Variants in LRCH2 observed in about 807,000 individuals in gnomAD.
The protein encoded by LRCH2 is leucine rich repeats and calponin homology domain containing 2, also known as leucine-rich repeat and calponin homology domain-containing protein 2.
A neutral mutation model predicts 68.9 loss-of-function variants in LRCH2; 38 were observed. That is an observed-to-expected ratio of 0.55 (90% CI 0.43 to 0.72). The LOEUF is 0.72. Among genes scored for constraint, LRCH2 ranks in the 30% least tolerant of loss-of-function variants. LRCH2 has a pLI of 0.00. For synonymous variants in LRCH2, 191 were observed against 208.1 expected (o/e 0.92, Z 0.71); for missense variants, 528 against 572.9 (o/e 0.92, Z 0.80).
chrX:115,225,287 A>G (rs2073111407), intron 1 of LRCH2, among the ~76,000 whole-genome samples: 1 of 111,319 alleles, frequency 9.0e-6, no homozygotes, highest in Non-Finnish European at 1.9e-5. Flanking sequence ...TGGGACAGAG[A>G]GACAGGAGGG....
At chrX:115,128,808 C>T (rs1234676989) in intron 15 of LRCH2, among the ~76,000 whole-genome samples, 1 of 112,096 alleles carries the variant, frequency 8.9e-6, no homozygotes, top group Non-Finnish European at 1.9e-5. Flanking sequence ...TAGTTCTCAA[C>T]CTTGGCTGGA....
intron 3 of LRCH2, among the ~76,000 whole-genome samples, chrX:115,182,296 TCTTAAATTATAAC>T (rs2072697953): frequency 1.8e-5 from 2 of 111,627 alleles, no homozygotes; most frequent in Middle Eastern, 4.6e-3. Context: ...AGACATAAAA[TCTTAAATTATAAC>T]CTTTATAAAA....
intron 1 of LRCH2, among the ~76,000 whole-genome samples, chrX:115,224,437 CT>C (rs782440602): frequency 1.8e-5 from 2 of 111,274 alleles, no homozygotes; most frequent in Non-Finnish European, 3.8e-5. Flanking sequence ...AATCCCAGCA[CT>C]TTGGGAGGCC....
chrX:115,198,227 C>T (rs1205776087), intron 1 of LRCH2, among the ~76,000 whole-genome samples: 2 of 110,151 alleles, frequency 1.8e-5, no homozygotes, highest in Admixed American at 1.9e-4. Flanking sequence ...GCTTAGAAAG[C>T]CTATTTAACA....
At chrX:115,192,307 T>A (rs1398353633) in intron 1 of LRCH2, 3 of 1,158,823 alleles carry the variant, frequency 2.6e-6, no homozygotes, top group Non-Finnish European at 3.5e-6. Flanking sequence ...CCGAGGCCCC[T>A]CGCCTGACGC....
chrX:115,227,537 A>G (rs1265349986), intron 1 of LRCH2, among the ~76,000 whole-genome samples: 1 of 110,145 alleles, frequency 9.1e-6, no homozygotes, highest in Non-Finnish European at 1.9e-5. Context: ...ACAGTCATCT[A>G]TGTTTAATTT....
At chrX:115,218,354 G>T (rs1178823098) in intron 1 of LRCH2, among the ~76,000 whole-genome samples, 1 of 111,900 alleles carries the variant, frequency 8.9e-6, no homozygotes, top group East Asian at 2.8e-4. Flanking sequence ...TGGAGGCAGG[G>T]CCGTTTCACG....
At chrX:115,147,239 G>C (rs2072392961) in intron 14 of LRCH2, among the ~76,000 whole-genome samples, 1 of 111,588 alleles carries the variant, frequency 9.0e-6, no homozygotes, top group Non-Finnish European at 1.9e-5. Flanking sequence ...TCGGGAGATA[G>C]GTGATTAAGA....
chrX:115,178,427 C>T (rs2072667147), intron 5 of LRCH2, among the ~76,000 whole-genome samples: 1 of 112,242 alleles, frequency 8.9e-6, no homozygotes, highest in Admixed American at 9.4e-5. Flanking sequence ...GGACCAGTGT[C>T]GATTATAAAA....
At chrX:115,140,658 T>C (rs1177775765) in intron 14 of LRCH2, among the ~76,000 whole-genome samples, 1 of 110,606 alleles carries the variant, frequency 9.0e-6, no homozygotes, top group Non-Finnish European at 1.9e-5. Context: ...CACAAGCTGA[T>C]TGAAGAGCCC....
At chrX:115,147,646 C>T (rs1379764664) in intron 14 of LRCH2, among the ~76,000 whole-genome samples, 1 of 111,191 alleles carries the variant, frequency 9.0e-6, no homozygotes, top group Non-Finnish European at 1.9e-5. Context: ...ATAAATGATG[C>T]TATGAAACCA....
At chrX:115,122,970 G>C (rs2072156572) in intron 18 of LRCH2, 73 bp from the exon 19 acceptor site, 1 of 1,084,489 alleles carries the variant, frequency 9.2e-7, no homozygotes, top group Non-Finnish European at 1.3e-6. Context: ...ACTAATTGTT[G>C]TATATCCAAA....
chrX:115,205,201 C>T (rs183760935), intron 1 of LRCH2, among the ~76,000 whole-genome samples: 133 of 111,706 alleles, frequency 1.2e-3, no homozygotes, highest in African/African-American at 4.1e-3. Context: ...GGGAAACCAC[C>T]CTCATGATCC....
At chrX:115,192,793 G>T in intron 1 of LRCH2, 1 of 588,231 alleles carries the variant, frequency 1.7e-6, no homozygotes, top group Non-Finnish European at 2.6e-6. Context: ...TTATGCTTTT[G>T]TGAGGAAAAA....
At chrX:115,220,954 G>A (rs1005871897) in intron 1 of LRCH2, among the ~76,000 whole-genome samples, 3 of 108,368 alleles carry the variant, frequency 2.8e-5, no homozygotes, top group South Asian at 4.0e-4. Context: ...TTGGGAGGCC[G>A]AGGCGGGTGG....
rs781801167 is a variant in LRCH2, at chrX:115,151,673, A to G, written c.1530-1603T>C. ...AGATAGGCTAACAGTGACCAGATTT[A>G]TATCCTGACTGAAAAAACTAAAAGA... On this transcript the variant is annotated intron_variant, in intron 12 of 20. Transcript: ENST00000317135. 3.0e-4 allele frequency among the ~76,000 whole-genome samples: 33 copies of G among 111,863 alleles called. No homozygotes were observed. In the East Asian group the frequency reaches 7.0e-3, roughly 24 times the overall value.
chrX:115,132,323 A>G (rs1176014136), intron 14 of LRCH2, among the ~76,000 whole-genome samples: 5 of 111,763 alleles, frequency 4.5e-5, no homozygotes, highest in Admixed American at 9.5e-5. Context: ...TCCCAGCACC[A>G]TTTATTAAAT....
intron 1 of LRCH2, among the ~76,000 whole-genome samples, chrX:115,220,585 C>A (rs1184376795): frequency 9.0e-6 from 1 of 111,409 alleles, no homozygotes; most frequent in African/African-American, 3.3e-5. Context: ...AAGACCAAGA[C>A]ATGCTAAAAC....
chrX:115,168,811 T>C (rs1161002435), intron 6 of LRCH2, among the ~76,000 whole-genome samples: 1 of 111,457 alleles, frequency 9.0e-6, no homozygotes, highest in Admixed American at 9.6e-5. Context: ...TTTAAAAAAA[T>C]GAGTCAAATC....
Sources: gnomAD v4.1 joint callset for allele counts (sites outside exome capture counted in the v4.1 genomes callset) on GRCh38, gnomAD v4.1.1 for gene constraint, MANE v1.5 for transcripts, NCBI Gene and HGNC (gene_info 2026-07-23, HGNC 2026-07-21) for gene names.